The following AGMO variants were observed in gnomAD, a reference collection of about 807,000 sequenced individuals.
The protein encoded by AGMO is alkylglycerol monooxygenase.
Under a neutral mutation model 60.2 loss-of-function variants are expected in AGMO, and 75 were observed. The observed-to-expected ratio is 1.25, with a 90% CI of 1.03 to 1.51. AGMO has a LOEUF of 1.51. Among genes scored for constraint, AGMO ranks in the 40% most tolerant of loss-of-function variants. The pLI is 0.00. For synonymous variants in AGMO, 261 were observed against 177.1 expected (o/e 1.47, Z -3.76); for missense variants, 763 against 525.5 (o/e 1.45, Z -4.42).
chr7:15,318,440 T>G (rs1583401301), intron 12 of AGMO, among the ~76,000 whole-genome samples: 1 of 152,270 alleles, frequency 6.6e-6, no homozygotes, highest in Admixed American at 6.5e-5. Flanking sequence ...ATGGCATTAT[T>G]TAAATGGATC....
chr7:15,169,267 C>T, the AGMO span, among the ~76,000 whole-genome samples: 1 of 152,110 alleles, frequency 6.6e-6, no homozygotes. Context: ...TGAACTCTGC[C>T]GTCGTGCAAT....
chr7:15,364,603 T>C (rs1356378722), intron 12 of AGMO, among the ~76,000 whole-genome samples: 3 of 152,004 alleles, frequency 2.0e-5, no homozygotes, highest in African/African-American at 7.2e-5. Context: ...CCGATTCGCG[T>C]GTGTGAGTAT....
chr7:15,547,407 G>A (rs913805568), intron 2 of AGMO, among the ~76,000 whole-genome samples: 3 of 152,046 alleles, frequency 2.0e-5, no homozygotes, highest in East Asian at 3.9e-4. Context: ...CTGAGGTACC[G>A]GGTTCATCTC....
At chr7:15,241,081 C>G (rs1361631830) in intron 12 of AGMO, among the ~76,000 whole-genome samples, 2 of 152,110 alleles carry the variant, frequency 1.3e-5, no homozygotes, top group African/African-American at 4.8e-5. Context: ...CAGGGAAAGT[C>G]AGTCAGTTCC....
intron 12 of AGMO, among the ~76,000 whole-genome samples, chr7:15,291,592 T>TCA (rs1784266003): frequency 6.6e-6 from 1 of 152,048 alleles, no homozygotes; most frequent in African/African-American, 2.4e-5. Flanking sequence ...AATGTATTCA[T>TCA]CACACACACA....
At chr7:15,484,966 A>G (rs1233757956) in intron 3 of AGMO, among the ~76,000 whole-genome samples, 9 of 152,106 alleles carry the variant, frequency 5.9e-5, no homozygotes, top group Admixed American at 5.9e-4. Context: ...TTGAGTAGGA[A>G]GAAGTAAATG....
intron 3 of AGMO, among the ~76,000 whole-genome samples, chr7:15,438,907 C>T (rs1296042132): frequency 6.6e-6 from 1 of 152,158 alleles, no homozygotes; most frequent in African/African-American, 2.4e-5. Flanking sequence ...GATGCAATAA[C>T]CACAAATATA....
chr7:15,232,875 A>G (rs1782299962), intron 12 of AGMO, among the ~76,000 whole-genome samples: 1 of 152,064 alleles, frequency 6.6e-6, no homozygotes, highest in Admixed American at 6.6e-5. Context: ...ACAAAAGTAG[A>G]TAGTCCTAGC....
intron 3 of AGMO, among the ~76,000 whole-genome samples, chr7:15,466,403 G>A (rs576644693): frequency 1.2e-4 from 18 of 152,150 alleles, no homozygotes; most frequent in Admixed American, 3.3e-4. Flanking sequence ...ATATAATGTA[G>A]TTAATGTTAT....
chr7:15,396,513 A>C (rs1784391294), intron 5 of AGMO: 1 of 152,268 alleles, frequency 6.6e-6, no homozygotes, highest in Non-Finnish European at 1.5e-5. Flanking sequence ...CAGCAGCAAT[A>C]CATACATTGC....
chr7:15,340,358 T>C (rs147622221), intron 12 of AGMO, among the ~76,000 whole-genome samples: 1 of 152,202 alleles, frequency 6.6e-6, no homozygotes, highest in Non-Finnish European at 1.5e-5. Context: ...AATTTTTGAC[T>C]TAGGGATGCT....
chr7:15,307,821 T>C (rs369986241), intron 12 of AGMO, among the ~76,000 whole-genome samples: 12 of 152,080 alleles, frequency 7.9e-5, no homozygotes, highest in African/African-American at 2.9e-4. Flanking sequence ...AGTGCAAATA[T>C]GGACTCACCA....
At chr7:15,403,701 G>A (rs1444834124) in intron 5 of AGMO, among the ~76,000 whole-genome samples, 1 of 151,868 alleles carries the variant, frequency 6.6e-6, no homozygotes, top group Non-Finnish European at 1.5e-5. Context: ...TGTTTTACTT[G>A]TTACAAGCTT....
chr7:15,223,210 G>T (rs1042326856), intron 12 of AGMO, among the ~76,000 whole-genome samples: 15 of 151,918 alleles, frequency 9.9e-5, no homozygotes, highest in African/African-American at 3.1e-4. Flanking sequence ...CCTACAGTAA[G>T]AAGTGTTATA....
intron 5 of AGMO, among the ~76,000 whole-genome samples, chr7:15,394,599 C>T (rs1490527029): frequency 6.6e-6 from 1 of 152,158 alleles, no homozygotes; most frequent in Non-Finnish European, 1.5e-5. Flanking sequence ...AGGCACACTA[C>T]CCTTAGATTT....
intron 9 of AGMO, among the ~76,000 whole-genome samples, chr7:15,386,870 G>C (rs1213842452): frequency 2.6e-5 from 4 of 152,118 alleles, no homozygotes; most frequent in African/African-American, 9.7e-5. Flanking sequence ...CTGTTTTAAA[G>C]ATCTTTTTTA....
intron 4 of AGMO, among the ~76,000 whole-genome samples, chr7:15,429,013 C>A (rs960763843): frequency 5.9e-5 from 9 of 151,958 alleles, no homozygotes; most frequent in East Asian, 1.9e-4. Context: ...CATCACGTGC[C>A]CTGTTTTCCC....
intron 3 of AGMO, among the ~76,000 whole-genome samples, chr7:15,478,571 T>A (rs1348972650): frequency 6.6e-6 from 1 of 152,132 alleles, no homozygotes; most frequent in African/African-American, 2.4e-5. Context: ...CTGACAGACA[T>A]CAGATCTTGT....
intron 12 of AGMO, among the ~76,000 whole-genome samples, chr7:15,363,024 A>T (rs897034075): frequency 3.9e-5 from 6 of 152,308 alleles, no homozygotes; most frequent in Non-Finnish European, 7.4e-5. Context: ...TTATGAAGAT[A>T]ATGGAAGTAA....
Sources: allele counts gnomAD v4.1 joint callset (sites outside exome capture counted in the v4.1 genomes callset), GRCh38; gene constraint gnomAD v4.1.1; transcripts MANE v1.5; gene names NCBI Gene and HGNC (gene_info 2026-07-23, HGNC 2026-07-21).